ARHGAP26: variants seen among roughly 807,000 people sequenced by gnomAD.
ARHGAP26 encodes rho GTPase-activating protein 26.
Under a neutral mutation model 104.8 loss-of-function variants are expected in ARHGAP26, and 38 were observed. The observed-to-expected ratio is 0.36, with a 90% CI of 0.28 to 0.48. ARHGAP26 has a LOEUF of 0.48. ARHGAP26 is among the 20% of genes least tolerant of loss of function. The pLI, the probability that ARHGAP26 is intolerant of heterozygous loss-of-function variation, is 0.99. For missense variants in ARHGAP26, 704 were observed against 947.9 expected (o/e 0.74, Z 3.38); for synonymous variants, 341 against 340.0 (o/e 1.00, Z -0.03).
At chr5:143,026,295 A>G (rs35426739) in intron 12 of ARHGAP26, among the ~76,000 whole-genome samples, 1 of 152,256 alleles carries the variant, frequency 6.6e-6, no homozygotes, top group African/African-American at 2.4e-5. Flanking sequence ...TGGAGCATAT[A>G]CAATGAAAAG....
intron 1 of ARHGAP26, among the ~76,000 whole-genome samples, chr5:142,865,556 A>G (rs1484217714): frequency 6.7e-6 from 1 of 149,682 alleles, no homozygotes; most frequent in East Asian, 2.0e-4. Flanking sequence ...CTGTGCACAA[A>G]TGTCCAAGTT....
At chr5:143,062,068 A>T (rs1442030286) in intron 17 of ARHGAP26, among the ~76,000 whole-genome samples, 1 of 152,250 alleles carries the variant, frequency 6.6e-6, no homozygotes, top group African/African-American at 2.4e-5. Context: ...AAGACAGCCC[A>T]CGGTGTCTAC....
intron 22 of ARHGAP26, chr5:143,216,165 G>T (rs1250552606): frequency 6.4e-6 from 3 of 471,658 alleles, no homozygotes; most frequent in South Asian, 4.6e-5. Context: ...ATTGTTAACT[G>T]CCAAGTCCTT....
At chr5:142,864,041 C>T (rs1309696158) in intron 1 of ARHGAP26, among the ~76,000 whole-genome samples, 3 of 152,100 alleles carry the variant, frequency 2.0e-5, no homozygotes, top group Non-Finnish European at 4.4e-5. Context: ...CACCCACCAG[C>T]CCCTACCGGT....
At chr5:143,005,624 T>C (rs1029394285) in intron 11 of ARHGAP26, among the ~76,000 whole-genome samples, 13 of 152,294 alleles carry the variant, frequency 8.5e-5, no homozygotes, top group African/African-American at 3.1e-4. Context: ...AGCACTTTTT[T>C]CCCCCAATGT....
chr5:143,012,418 T>C (rs533378842), intron 11 of ARHGAP26, among the ~76,000 whole-genome samples: 1 of 149,630 alleles, frequency 6.7e-6, no homozygotes, highest in African/African-American at 2.4e-5. Context: ...ATTTCTTAAG[T>C]GAAAAATCCC....
At chr5:142,892,549 C>CATG (rs1364182165) in intron 5 of ARHGAP26, among the ~76,000 whole-genome samples, 2 of 151,844 alleles carry the variant, frequency 1.3e-5, no homozygotes, top group African/African-American at 2.4e-5. Context: ...CAGCTATGGG[C>CATG]ATGATTCCTG....
intron 17 of ARHGAP26, among the ~76,000 whole-genome samples, chr5:143,064,677 G>A (rs894625477): frequency 6.6e-6 from 1 of 152,174 alleles, no homozygotes; most frequent in East Asian, 1.9e-4. Flanking sequence ...GAAATGGAAA[G>A]GAAGAAATCA....
At chr5:142,819,827 A>AT (rs550306051) in intron 1 of ARHGAP26, among the ~76,000 whole-genome samples, 9 of 150,632 alleles carry the variant, frequency 6.0e-5, no homozygotes, top group Middle Eastern at 3.4e-3. Flanking sequence ...TATGGACTTG[A>AT]TTTTTTTTTT....
Position 143,224,484 on chromosome 5 carries a change from C to T in ARHGAP26, c.*2038C>T. 1 of 229,840 alleles carries T rather than the reference C, an allele frequency of 4.4e-6. No individual in the cohort carries two copies. The highest frequency in any genetic ancestry group is 6.2e-5 in the East Asian group (1 of 16,142). 14.2% of individuals were successfully genotyped at this position (229,840 alleles called of 1,614,324 possible). On this transcript the variant is annotated 3_prime_UTR_variant, in exon 23 of 23. Coordinates refer to ENST00000645722, the MANE Select transcript of ARHGAP26 (RefSeq NM_001135608.3). Reference sequence around the variant, plus strand: ...GCCTACTTAGTAGTAAGATGAAGCTCAGGATTTAAATAAGTGGGGTCAGGC... The same window carrying T: ...GCCTACTTAGTAGTAAGATGAAGCTTAGGATTTAAATAAGTGGGGTCAGGC...
At chr5:142,774,488 C>T (rs754144563) in intron 1 of ARHGAP26, among the ~76,000 whole-genome samples, 2 of 151,810 alleles carry the variant, frequency 1.3e-5, no homozygotes, top group Non-Finnish European at 2.9e-5. Context: ...TCCCACATAG[C>T]GCCTCATACC....
At chr5:142,816,211 A>T (rs1301942888) in intron 1 of ARHGAP26, among the ~76,000 whole-genome samples, 1 of 152,172 alleles carries the variant, frequency 6.6e-6, no homozygotes, top group African/African-American at 2.4e-5. Flanking sequence ...ATTAGATGGA[A>T]AGCCCATGAG....
At chr5:142,795,096 C>T (rs1760713533) in intron 1 of ARHGAP26, among the ~76,000 whole-genome samples, 1 of 151,966 alleles carries the variant, frequency 6.6e-6, no homozygotes, top group Admixed American at 6.6e-5. Context: ...AAAAACCATT[C>T]CTAACTCACA....
At chr5:142,926,675 CT>C (rs1763952900) in intron 10 of ARHGAP26, among the ~76,000 whole-genome samples, 1 of 152,146 alleles carries the variant, frequency 6.6e-6, no homozygotes, top group South Asian at 2.1e-4. Flanking sequence ...GCCCTGTGTG[CT>C]TTGTGGTAGA....
At chr5:142,984,936 G>T (rs1356279759) in intron 11 of ARHGAP26, among the ~76,000 whole-genome samples, 1 of 151,936 alleles carries the variant, frequency 6.6e-6, no homozygotes, top group Non-Finnish European at 1.5e-5. Flanking sequence ...AAAAAAAGCG[G>T]TCAGACAGCC....
At chr5:142,939,238 C>T (rs1765891199) in intron 11 of ARHGAP26, among the ~76,000 whole-genome samples, 1 of 152,120 alleles carries the variant, frequency 6.6e-6, no homozygotes, top group African/African-American at 2.4e-5. Flanking sequence ...GCGCAACACA[C>T]AAAAAATTGC....
intron 1 of ARHGAP26, among the ~76,000 whole-genome samples, chr5:142,787,197 A>C (rs192170708): frequency 6.6e-6 from 1 of 152,052 alleles, no homozygotes; most frequent in East Asian, 1.9e-4. Flanking sequence ...CTTATTTTCT[A>C]CCTCTCTAAT....
At chr5:143,102,350 T>C (rs1016563672) in intron 17 of ARHGAP26, among the ~76,000 whole-genome samples, 9 of 152,186 alleles carry the variant, frequency 5.9e-5, no homozygotes, top group African/African-American at 2.2e-4. Flanking sequence ...AAATGCCACC[T>C]CCATTTCTTT....
chr5:142,863,104 AG>A (rs1276984111), intron 1 of ARHGAP26, among the ~76,000 whole-genome samples: 36 of 148,170 alleles, frequency 2.4e-4, no homozygotes, highest in African/African-American at 8.8e-4. Context: ...TTTTCAAGTG[AG>A]GTTTTTTTTT....
Sources: allele counts gnomAD v4.1 joint callset (sites outside exome capture counted in the v4.1 genomes callset), GRCh38; gene constraint gnomAD v4.1.1; transcripts MANE v1.5; gene names NCBI Gene and HGNC (gene_info 2026-07-23, HGNC 2026-07-21).